Variants in SEPTIN1 observed in about 807,000 individuals in gnomAD.
SEPTIN1 encodes septin 1.
A neutral mutation model predicts 50.7 loss-of-function variants in SEPTIN1; 52 were observed. That is an observed-to-expected ratio of 1.03 (90% CI 0.82 to 1.29). The LOEUF is 1.29. Among genes scored for constraint, SEPTIN1 ranks in the 50% most tolerant of loss-of-function variants. The pLI, the probability that SEPTIN1 is intolerant of heterozygous loss-of-function variation, is 0.00. For synonymous variants in SEPTIN1, 204 were observed against 189.1 expected (o/e 1.08, Z -0.65); for missense variants, 455 against 490.7 (o/e 0.93, Z 0.69).
chr16:30,378,954 C>T, intron 9 of SEPTIN1, 64 bp downstream of exon 9: 2 of 1,533,528 alleles, frequency 1.3e-6, no homozygotes, highest in Non-Finnish European at 1.8e-6. Flanking sequence ...GACGAGTCCT[C>T]AGGGCGGGGT....
rs751951608 is a variant in SEPTIN1, at chr16:30,379,106, C to T, written c.853G>A (p.Val285Met). 6.2e-7 allele frequency: 1 copy of T among 1,614,124 alleles called. No homozygotes were observed. The highest frequency in any genetic ancestry group is 8.5e-7 in the Non-Finnish European group (1 of 1,180,008). The change falls in exon 9 of 11, where the codon GTG becomes ATG. Residue 285 changes from valine (V) to methionine (M), a missense_variant. Coordinates refer to ENST00000321367, the MANE Select transcript of SEPTIN1 (RefSeq NM_001365977.2). ...CCCTCGTAGAGCAGATCGTGCGTCA[C>T]CTCTTTCAGGTCCTGCAGGTGTGTC... is the stretch of plus-strand genomic sequence containing the variant. ...VQTHLQDLKE[V>M]THDLLYEGYR... is the part of the protein sequence containing the mutation.
chr16:30,381,336 G>A lies in SEPTIN1; in HGVS notation c.455+3C>T, dbSNP rs1342652545. ...GCCAGCCCCCAGGATCCCCCCACCAGACCCCCGGCCGAAGGGTGAGATGAA... is the reference window on the plus strand; with the variant it reads ...GCCAGCCCCCAGGATCCCCCCACCAAACCCCCGGCCGAAGGGTGAGATGAA... On this transcript the variant is annotated splice_donor_region_variant and intron_variant, in intron 5 of 10. Coordinates refer to ENST00000321367, the MANE Select transcript of SEPTIN1 (RefSeq NM_001365977.2). The surrounding 1 kb of genome is among the most constrained non-coding windows in gnomAD (Gnocchi z 4.3). 2.5e-6 allele frequency: 4 copies of A among 1,571,970 alleles called. No homozygotes were observed. The highest frequency in any genetic ancestry group is 1.7e-6 in the Non-Finnish European group (2 of 1,146,356).
intron 6 of SEPTIN1, chr16:30,380,761 CTCTA>C (rs2049833643): frequency 3.6e-6 from 1 of 279,486 alleles, no homozygotes; most frequent in African/African-American, 2.3e-5. Context: ...CAGAGTGAGA[CTCTA>C]TCTAAAAAAA....
In SEPTIN1 at chr16:30,378,604, G is replaced by A; in HGVS notation, c.1032+6C>T. The A allele has an allele frequency of 6.2e-7, 1 of 1,611,460 alleles. No individual in the cohort carries two copies. On this transcript the variant is annotated splice_donor_region_variant and intron_variant, in intron 10 of 10. Transcript: ENST00000321367. ...TCGGTCGGGGGGAAGCGAGGTGCGT[G>A]CTCACCTCTTCGTCTTTCTCGCGGA...
Position 30,379,055 on chromosome 16 carries a change from G to C in SEPTIN1, c.904C>G (p.Leu302Val), listed in dbSNP as rs377571349. 6.2e-7 allele frequency: 1 copy of C among 1,613,916 alleles called. No homozygotes were observed. Among genetic ancestry groups the C allele is most frequent in the Non-Finnish European group, 8.5e-7 (1 of 1,179,968 alleles). ...EGYRARCLQS[L>V]ARPGARDRAS... ...CGATCGCGAGCCCCAGGCCGGGCCAGGCTCTGTAGGCAGCGGGCCCGGTAG... is the reference window on the plus strand; with the variant it reads ...CGATCGCGAGCCCCAGGCCGGGCCACGCTCTGTAGGCAGCGGGCCCGGTAG... Residue 302 changes from leucine (L) to valine (V), a missense_variant, in exon 9 of 11, where the codon CTG (leucine) becomes GTG (valine). Coordinates refer to ENST00000321367, the MANE Select transcript of SEPTIN1 (RefSeq NM_001365977.2).
chr16:30,382,567 C>T (rs761181822), upstream of SEPTIN1: 14 of 1,582,652 alleles, frequency 8.8e-6, no homozygotes, highest in Middle Eastern at 1.7e-4. The surrounding 1 kb of genome is among the most constrained non-coding windows in gnomAD (Gnocchi z 4.8). Context: ...TCTCTCCCCA[C>T]TTCCTCTGGT....
Position 30,381,928 on chromosome 16 carries a change from C to G in SEPTIN1, c.197-45G>C, listed in dbSNP as rs1340446344. 14 of 1,611,132 alleles carry G rather than the reference C, an allele frequency of 8.7e-6. No homozygotes were observed. Among genetic ancestry groups the G allele is most frequent in the Non-Finnish European group, 1.2e-5 (14 of 1,178,720 alleles). Reference sequence around the variant, plus strand: ...TCAGGGATCCGGGGAGGCTCTGAGGCAGAATTAATTTCCTTTGTCAATATC... The same window carrying G: ...TCAGGGATCCGGGGAGGCTCTGAGGGAGAATTAATTTCCTTTGTCAATATC... On this transcript the variant is annotated intron_variant, in intron 3 of 10. Coordinates refer to ENST00000321367, the MANE Select transcript of SEPTIN1 (RefSeq NM_001365977.2). This position sits in a 1 kb window ranked among gnomAD's most constrained non-coding sequence, Gnocchi z 4.3.
chr16:30,379,640 C>CCTTTTT, intron 7 of SEPTIN1, 106 bp from the exon 8 acceptor site: 1 of 236,254 alleles, frequency 4.2e-6, no homozygotes, highest in Non-Finnish European at 7.5e-6. Context: ...GCCCCTTCCT[C>CCTTTTT]TTTTTTTTTT....
At chr16:30,380,109 C>T (rs896601028) in intron 6 of SEPTIN1, 76 bp from the exon 7 acceptor site, 1 of 1,210,428 alleles carries the variant, frequency 8.3e-7, no homozygotes, top group Non-Finnish European at 1.2e-6. Context: ...GACAGTGAGA[C>T]ACAGAGATAC....
rs756423463 is a variant in SEPTIN1 at position 30,381,184 on chromosome 16, T to G, written c.516A>C (p.Pro172=). 5 of 1,613,948 alleles carry G rather than the reference T, an allele frequency of 3.1e-6. No homozygotes were observed. Among genetic ancestry groups the G allele is most frequent in the Non-Finnish European group, 2.5e-6 (3 of 1,180,004 alleles). The change falls in exon 6 of 11, where the codon CCA becomes CCC. Residue 172 remains proline, a synonymous_variant. Coordinates refer to ENST00000321367, the MANE Select transcript of SEPTIN1 (RefSeq NM_001365977.2). The surrounding 1 kb of genome is among the most constrained non-coding windows in gnomAD (Gnocchi z 4.3). ...RAVHEKVNII[P]VIGKADALMP... ...TCAGAGCATCCGCTTTGCCAATGAC[T>G]GGGATGATGTTGACTTTCTCGTGTA...
In SEPTIN1 at chr16:30,381,331, C is replaced by G. The variant is rs759243307; in HGVS notation, c.455+8G>C. ...AATGCGCCAGCCCCCAGGATCCCCC[C>G]ACCAGACCCCCGGCCGAAGGGTGAG... On this transcript the variant is annotated splice_region_variant and intron_variant, in intron 5 of 10. Transcript: ENST00000321367. This position sits in a 1 kb window ranked among gnomAD's most constrained non-coding sequence, Gnocchi z 4.3. The G allele has an allele frequency of 1.7e-5, 28 of 1,613,386 alleles. No homozygotes were observed. Among genetic ancestry groups the G allele is most frequent in the Non-Finnish European group, 2.2e-5 (26 of 1,179,622 alleles).
At position 30,381,492 on chromosome 16, in the gene SEPTIN1, T is replaced by C. The variant is rs751706669; in HGVS notation, c.321-19A>G. On this transcript the variant is annotated intron_variant, in intron 4 of 10. Coordinates refer to ENST00000321367, the MANE Select transcript of SEPTIN1 (RefSeq NM_001365977.2). This position sits in a 1 kb window ranked among gnomAD's most constrained non-coding sequence, Gnocchi z 4.3. ...AAGCCAGCTGGGTGTGGGGAGAGGA[T>C]GTGAGGTCAGAGATCAAAGGCCAGA... 5.0e-6 allele frequency: 8 copies of C among 1,613,428 alleles called. No homozygotes were observed. The highest frequency in any genetic ancestry group is 1.7e-5 in the Admixed American group (1 of 59,936).
rs200612718 is a variant in SEPTIN1, at chr16:30,378,750, G to A, written c.942-50C>T. Reference sequence around the variant, plus strand: ...GGAATCAGGAGCGGGACCTGAGGTTGTGGGTGAGGCCCAGGAGGCAGGGCC... The same window carrying A: ...GGAATCAGGAGCGGGACCTGAGGTTATGGGTGAGGCCCAGGAGGCAGGGCC... On this transcript the variant is annotated intron_variant, in intron 9 of 10. Transcript: ENST00000321367. 7.0e-6 allele frequency: 11 copies of A among 1,562,534 alleles called. No homozygotes were observed. The East Asian group carries it at 1.8e-4, about 26-fold the overall frequency.
rs1450381505 is a variant in SEPTIN1, at chr16:30,378,165, A to T, written c.*269T>A. Reference sequence around the variant, plus strand: ...GCGGGAAGCTCAGTTTTTATTGAAGACAGAGTCTGGGAGAAGAAGGGGGAC... The same window carrying T: ...GCGGGAAGCTCAGTTTTTATTGAAGTCAGAGTCTGGGAGAAGAAGGGGGAC... On this transcript the variant is annotated 3_prime_UTR_variant, in exon 11 of 11. Coordinates refer to ENST00000321367, the MANE Select transcript of SEPTIN1 (RefSeq NM_001365977.2). 2.8e-6 allele frequency: 2 copies of T among 709,064 alleles called. No individual in the cohort carries two copies. Among genetic ancestry groups the T allele is most frequent in the Admixed American group, 4.1e-5 (2 of 48,334 alleles). The allele number at this position is 709,064 out of a possible 1,614,324, so 43.9% of individuals were successfully genotyped here.
intron 9 of SEPTIN1, 113 bp from the exon 10 acceptor site, chr16:30,378,813 C>G: frequency 1.1e-6 from 1 of 890,690 alleles, no homozygotes; most frequent in Non-Finnish European, 1.6e-6. Flanking sequence ...GAGCCAGTTC[C>G]TTGAGGTTAG....
Position 30,382,160 on chromosome 16 carries a change from T to C in SEPTIN1, c.129A>G (p.Lys43=). Residue 43 remains lysine (K), a synonymous_variant, in exon 3 of 11, where the codon AAA becomes AAG. Transcript: ENST00000321367. This position sits in a 1 kb window ranked among gnomAD's most constrained non-coding sequence, Gnocchi z 4.8. ...GGAAGAGGCTGTTGATGAGGGTGGA[T>C]TTCCCTAGGCCTGACTCCCCTGTGG... ...LMVAGESGLG[K]STLINSLFLT... 2.5e-6 allele frequency: 4 copies of C among 1,604,578 alleles called. No individual in the cohort carries two copies. The highest frequency in any genetic ancestry group is 3.4e-6 in the Non-Finnish European group (4 of 1,175,592).
intron 9 of SEPTIN1, 85 bp from the exon 10 acceptor site, chr16:30,378,785 G>T: frequency 7.3e-7 from 1 of 1,369,882 alleles, no homozygotes; most frequent in Non-Finnish European, 1.0e-6. Context: ...CTGGGGCGAG[G>T]TTGGGGTCTA....
rs747393569 is a variant in SEPTIN1, at chr16:30,379,554, G to A, written c.676-20C>T. 9 of 1,593,128 alleles carry A rather than the reference G, an allele frequency of 5.6e-6. No individual in the cohort carries two copies. The Admixed American group carries it at 1.2e-4, about 21-fold the overall frequency. On this transcript the variant is annotated intron_variant, in intron 7 of 10. Transcript: ENST00000321367. ...GCTTTCCTGGAGGGCAGGGGGCAGG[G>A]GTTCACCATTGGCTCACACGGCAGA... is the stretch of plus-strand genomic sequence containing the variant.
chr16:30,378,541 G>A, intron 10 of SEPTIN1, 21 bp from the exon 11 acceptor site: 1 of 1,601,222 alleles, frequency 6.2e-7, no homozygotes, highest in Non-Finnish European at 8.5e-7. Context: ...CGAGATTGCA[G>A]GCGGTGACCT....
Sources: allele counts gnomAD v4.1 joint callset, GRCh38; gene constraint gnomAD v4.1.1; non-coding constraint Gnocchi (gnomAD v3.1); transcripts MANE v1.5; gene names NCBI Gene and HGNC (gene_info 2026-07-23, HGNC 2026-07-21).